The following IGSF21 variants were observed in gnomAD, a reference collection of about 807,000 sequenced individuals.
The protein encoded by IGSF21 is immunoglobulin superfamily member 21.
A neutral mutation model predicts 46.8 loss-of-function variants in IGSF21; 28 were observed. The observed-to-expected ratio is 0.60, with a 90% CI of 0.44 to 0.82. The LOEUF is 0.82. IGSF21 is among the 40% of genes least tolerant of loss of function. The probability of loss-of-function intolerance (pLI) is 0.00; values close to 1 mark genes in which losing one functional copy is unlikely to be tolerated. For synonymous variants in IGSF21, 284 were observed against 273.6 expected, an observed-to-expected ratio of 1.04 and a Z score of -0.38; for missense variants, 624 against 665.5, an observed-to-expected ratio of 0.94 and a Z score of 0.69.
At chr1:18,211,816 C>A (rs1421997698) in intron 1 of IGSF21, among the ~76,000 whole-genome samples, 1 of 152,182 alleles carries the variant, frequency 6.6e-6, no homozygotes, top group African/African-American at 2.4e-5. Flanking sequence ...GTCAGAGATG[C>A]CTCCCTGTTG....
chr1:18,280,252 C>T (rs2085146196), intron 2 of IGSF21, among the ~76,000 whole-genome samples: 1 of 152,152 alleles, frequency 6.6e-6, no homozygotes, highest in African/African-American at 2.4e-5. Context: ...CACACCTGCC[C>T]TGTTGACTGG....
intron 2 of IGSF21, among the ~76,000 whole-genome samples, chr1:18,243,119 A>G (rs1317527998): frequency 6.6e-6 from 1 of 152,212 alleles, no homozygotes; most frequent in Non-Finnish European, 1.5e-5. Flanking sequence ...AGCTTGAGCT[A>G]TATCCAAGGG....
At chr1:18,355,205 C>A (rs890940935) in intron 4 of IGSF21, among the ~76,000 whole-genome samples, 18 of 152,168 alleles carry the variant, frequency 1.2e-4, no homozygotes, top group East Asian at 5.8e-4. Flanking sequence ...AGGTTTGGGG[C>A]AGATTTCCCT....
intron 4 of IGSF21, among the ~76,000 whole-genome samples, chr1:18,348,074 C>A (rs1367553498): frequency 6.6e-6 from 1 of 152,206 alleles, no homozygotes; most frequent in Non-Finnish European, 1.5e-5. Flanking sequence ...TTAATCCTCA[C>A]AATCCTTAGG....
chr1:18,282,240 A>G (rs1361158425), intron 2 of IGSF21, among the ~76,000 whole-genome samples: 1 of 152,132 alleles, frequency 6.6e-6, no homozygotes, highest in Admixed American at 6.5e-5. Flanking sequence ...GCTTGTTAAA[A>G]ATGCAGAATA....
intron 1 of IGSF21, among the ~76,000 whole-genome samples, chr1:18,163,440 C>A (rs1278369266): frequency 6.6e-6 from 1 of 152,150 alleles, no homozygotes; most frequent in Non-Finnish European, 1.5e-5. Context: ...GTATCTGCCT[C>A]TAAATCCCAA....
intron 1 of IGSF21, among the ~76,000 whole-genome samples, chr1:18,189,105 C>T (rs1189976225): frequency 6.6e-6 from 1 of 152,220 alleles, no homozygotes; most frequent in Non-Finnish European, 1.5e-5. Context: ...ACAGGAAGCT[C>T]AGGCCCAGAG....
At chr1:18,328,822 T>G (rs1411697488) in intron 3 of IGSF21, among the ~76,000 whole-genome samples, 1 of 152,062 alleles carries the variant, frequency 6.6e-6, no homozygotes, top group Non-Finnish European at 1.5e-5. Context: ...TCTATGAAAA[T>G]CTAGGATTCT....
chr1:18,189,401 G>A (rs146030029), intron 1 of IGSF21, among the ~76,000 whole-genome samples: 3 of 152,172 alleles, frequency 2.0e-5, no homozygotes, highest in Non-Finnish European at 2.9e-5. Context: ...AACCAGTTTC[G>A]TGGAGGATGA....
At chr1:18,352,784 G>A (rs1234880064) in intron 4 of IGSF21, among the ~76,000 whole-genome samples, 3 of 152,320 alleles carry the variant, frequency 2.0e-5, no homozygotes, top group African/African-American at 7.2e-5. Context: ...CACTGCGAAA[G>A]CACAACAGCT....
At chr1:18,165,566 C>G (rs1200395071) in intron 1 of IGSF21, among the ~76,000 whole-genome samples, 1 of 152,200 alleles carries the variant, frequency 6.6e-6, no homozygotes, top group East Asian at 1.9e-4. Flanking sequence ...GGGAACACTT[C>G]TCAGCCTGTA....
chr1:18,353,716 C>G (rs1569862775), intron 4 of IGSF21, among the ~76,000 whole-genome samples: 1 of 152,206 alleles, frequency 6.6e-6, no homozygotes. Flanking sequence ...ACAGGGGAAG[C>G]TGCACATGCA....
intron 2 of IGSF21, among the ~76,000 whole-genome samples, chr1:18,291,097 C>T (rs1461842400): frequency 1.3e-5 from 2 of 152,218 alleles, no homozygotes; most frequent in South Asian, 2.1e-4. Context: ...CTGGAGGCAG[C>T]GCAGATGTGG....
At chr1:18,342,021 A>G (rs573796980) in intron 4 of IGSF21, among the ~76,000 whole-genome samples, 1 of 147,408 alleles carries the variant, frequency 6.8e-6, no homozygotes, top group East Asian at 2.0e-4. Context: ...TGTTCTACTG[A>G]TTTTTATTAA....
At chr1:18,376,689 C>A in intron 7 of IGSF21, 111 bp from the exon 8 acceptor site, 1 of 1,051,926 alleles carries the variant, frequency 9.5e-7, no homozygotes, top group Non-Finnish European at 1.4e-6. Context: ...CCACTCCTAA[C>A]CCGTCGGATG....
intron 2 of IGSF21, among the ~76,000 whole-genome samples, chr1:18,256,337 T>A (rs964053746): frequency 6.6e-6 from 1 of 152,214 alleles, no homozygotes; most frequent in African/African-American, 2.4e-5. Context: ...TTTATTAAAG[T>A]GAATTCTAAT....
At chr1:18,360,982 T>C (rs527528675) in intron 4 of IGSF21, among the ~76,000 whole-genome samples, 1 of 152,056 alleles carries the variant, frequency 6.6e-6, no homozygotes, top group African/African-American at 2.4e-5. Context: ...CCACGGTGTC[T>C]GGGAGCAAGG....
rs115209180 is a variant in IGSF21, at chr1:18,325,086, G to C, written c.306-9806G>C. Among the ~76,000 whole-genome samples the C allele has an allele frequency of 3.1e-3, 467 of 152,306 alleles. 2 individuals carry two copies. Among genetic ancestry groups the C allele is most frequent in the African/African-American group, 0.011 (453 of 41,576 alleles). The stretch of plus-strand genomic sequence containing the variant: ...CCTCCACCAGGCAGGGAAAGACAGA[G>C]AGTGCATCGCCATCTCTTTCAGAAG... On this transcript the variant is annotated intron_variant, in intron 3 of 9. Coordinates refer to ENST00000251296, the MANE Select transcript of IGSF21 (RefSeq NM_032880.5).
intron 2 of IGSF21, among the ~76,000 whole-genome samples, chr1:18,285,555 C>T (rs968198931): frequency 1.3e-5 from 2 of 152,136 alleles, no homozygotes. Context: ...GAAACTGGGT[C>T]CCAGAGAGAG....
Sources: allele counts gnomAD v4.1 joint callset (sites outside exome capture counted in the v4.1 genomes callset), GRCh38; gene constraint gnomAD v4.1.1; transcripts MANE v1.5; gene names NCBI Gene and HGNC (gene_info 2026-07-23, HGNC 2026-07-21).